Variants in PARP10 observed in about 807,000 individuals in gnomAD.
The protein encoded by PARP10 is protein mono-ADP-ribosyltransferase PARP10.
PARP10 carries 56 observed loss-of-function variants against 82.4 expected under a neutral mutation model. That is an observed-to-expected ratio of 0.68 (90% confidence interval 0.55 to 0.85). The LOEUF is 0.85. Among genes scored for constraint, PARP10 ranks in the 40% least tolerant of loss-of-function variants. PARP10 has a pLI of 0.00. For missense variants in PARP10, 1,227 were observed against 1,379.4 expected (o/e 0.89, Z 1.75); for synonymous variants, 576 against 601.1 (o/e 0.96, Z 0.61).
chr8:143,984,474 C>G, intron 5 of PARP10, 43 bp from the exon 6 acceptor site: 1 of 1,593,672 alleles, frequency 6.3e-7, no homozygotes, highest in Non-Finnish European at 8.5e-7. Context: ...GTTTAGAGCA[C>G]AGGAAAGGTA....
At chr8:143,992,001 G>C, upstream of PARP10, 2 of 1,613,858 alleles carry the variant, frequency 1.2e-6, no homozygotes. Flanking sequence ...CTCCTATGCT[G>C]TCTTCTTCAT....
rs914956037 is a variant in PARP10 at position 144,010,319 on chromosome 8, C to G, written c.-80+2211G>C. Among the ~76,000 whole-genome samples the G allele has an allele frequency of 2.9e-4, 44 of 152,244 alleles. 1 individual carries two copies. The highest frequency in any genetic ancestry group is 8.7e-4 in the African/African-American group (36 of 41,464). On this transcript the variant is annotated intron_variant, in intron 1 of 3. Coordinates refer to the PARP10 transcript ENST00000530478. ...ATGACTAGCACTGAACCCCCAATTC[C>G]TAACATAATGCCTGCCACAGTTGGT...
chr8:144,010,894 A>C (rs911021014), intron 1 of PARP10, among the ~76,000 whole-genome samples: 1 of 152,000 alleles, frequency 6.6e-6, no homozygotes, highest in Non-Finnish European at 1.5e-5. Context: ...CAAAAAAATA[A>C]ATAAATAAAT....
upstream of PARP10, chr8:143,990,088 C>G (rs1294305300): frequency 6.6e-6 from 1 of 151,152 alleles, no homozygotes; most frequent in Admixed American, 6.6e-5. This position sits in a 1 kb window ranked among gnomAD's most constrained non-coding sequence, Gnocchi z 5.6. Context: ...GAGCCGCAGG[C>G]GCAGGCCCAG....
At chr8:143,989,846 G>A (rs1834059520), upstream of PARP10, 1 of 152,238 alleles carries the variant, frequency 6.6e-6, no homozygotes. The surrounding 1 kb of genome is among the most constrained non-coding windows in gnomAD (Gnocchi z 4.3). Flanking sequence ...CGAACGGCCA[G>A]TCAAATTGGC....
At chr8:143,993,098 C>T (rs993868680), upstream of PARP10, 46 of 487,950 alleles carry the variant, frequency 9.4e-5, no homozygotes, top group South Asian at 7.8e-4. Flanking sequence ...CACCTCCTGT[C>T]TACTCATTGT....
chr8:143,983,638 CCAGCCACCTGGGT>C lies in PARP10; in HGVS notation c.1938_1950del (p.Pro647ArgfsTer33). On this transcript the variant is annotated frameshift_variant, in exon 8 of 11. Transcript: ENST00000313028. LOFTEE classifies it high-confidence loss of function. ...GCCAGCTGCAGAGCGGCCTCCTCCT[CCAGCCACCTGGGT>C]GCCACAGTGCTGGGGGCCACAGGCT... 6.2e-7 allele frequency: 1 copy of C among 1,606,516 alleles called. No homozygotes were observed. Among genetic ancestry groups the C allele is most frequent in the South Asian group, 1.1e-5 (1 of 89,740 alleles).
chr8:143,989,171 G>A (rs1834048706), upstream of PARP10, among the ~76,000 whole-genome samples: 1 of 152,256 alleles, frequency 6.6e-6, no homozygotes, highest in African/African-American at 2.4e-5. This position sits in a 1 kb window ranked among gnomAD's most constrained non-coding sequence, Gnocchi z 4.3. Context: ...CCAAGGGCGG[G>A]AGGGCAGGTG....
chr8:143,985,145 G>A lies in PARP10; in HGVS notation c.857C>T (p.Ala286Val). ...TGTCACAGTCCCTGCACCCTGCAGAGCCGTCACCAACCCTCCGGTCCTCAG... is the reference window on the plus strand; with the variant it reads ...TGTCACAGTCCCTGCACCCTGCAGAACCGTCACCAACCCTCCGGTCCTCAG... ...ALLRTGGLVT[A>V]LQGAGTVTMG... Residue 286 changes from alanine (A) to valine (V), a missense_variant, in exon 5 of 11, where the codon GCT (alanine) becomes GTT (valine). Physicochemically the swap from Ala to Val is moderately conservative, Grantham distance 64 (BLOSUM62 0). Coordinates refer to ENST00000313028, the MANE Select transcript of PARP10 (RefSeq NM_032789.5). The A allele has an allele frequency of 6.2e-7, 1 of 1,614,142 alleles. No homozygotes were observed. Among genetic ancestry groups the A allele is most frequent in the Non-Finnish European group, 8.5e-7 (1 of 1,180,026 alleles).
chr8:143,985,089 C>T lies in PARP10; in HGVS notation c.913G>A (p.Gly305Arg), dbSNP rs1554748922. 1.2e-6 allele frequency: 2 copies of T among 1,614,030 alleles called. No homozygotes were observed. Among genetic ancestry groups the T allele is most frequent in the Admixed American group, 3.3e-5 (2 of 60,026 alleles). Residue 305 changes from glycine (G) to arginine (R), a missense_variant, in exon 5 of 11, where the codon GGG (glycine) becomes AGG (arginine). By Grantham distance (125) the Gly-to-Arg change is moderately radical. Transcript: ENST00000313028. The stretch of plus-strand genomic sequence containing the variant: ...ATGGGACCTGTCCTCAGAGAGGCCC[C>T]TGACTGCCCTGGTTCCTCGCCAGAG... ...MGSGEEPGQS[G>R]ASLRTGPMVQ...
At chr8:143,993,854 C>T (rs1834139120), upstream of PARP10, among the ~76,000 whole-genome samples, 1 of 152,234 alleles carries the variant, frequency 6.6e-6, no homozygotes, top group Non-Finnish European at 1.5e-5. Flanking sequence ...CTGCCTCTCT[C>T]CAGCCTCCCC....
chr8:143,985,579 A>G lies in PARP10; in HGVS notation c.506T>C (p.Val169Ala). The G allele has an allele frequency of 6.2e-7, 1 of 1,613,898 alleles. No individual in the cohort carries two copies. Among genetic ancestry groups the G allele is most frequent in the Non-Finnish European group, 8.5e-7 (1 of 1,179,956 alleles). The change falls in exon 4 of 11, where the codon GTT becomes GCT. Residue 169 changes from valine (V) to alanine (A), a missense_variant. Val to Ala is a moderately conservative substitution (Grantham distance 64). Transcript: ENST00000313028. ...LEGTLVSLAR[V>A]PQARAVRVVG... Reference sequence around the variant, plus strand: ...CACACGCACCGCTCGGGCCTGGGGAACCCGGGCCAGGGACACCAAGGTCCC... The same window carrying G: ...CACACGCACCGCTCGGGCCTGGGGAGCCCGGGCCAGGGACACCAAGGTCCC...
upstream of PARP10, chr8:143,991,467 G>T: frequency 2.0e-6 from 3 of 1,500,932 alleles, no homozygotes; most frequent in Non-Finnish European, 2.7e-6. Flanking sequence ...CTACCCACAG[G>T]GCCCCTACCC....
chr8:144,001,108 G>A (rs1229322073), intron 1 of PARP10, among the ~76,000 whole-genome samples: 1 of 151,728 alleles, frequency 6.6e-6, no homozygotes, highest in Non-Finnish European at 1.5e-5. Context: ...TAGAGACGAG[G>A]TTTCACCGTG....
Position 143,985,764 on chromosome 8 carries a change from T to C in PARP10, c.393A>G (p.Pro131=). ...TGGGCAACTGGACCAGAGCCCGGTCTGGCCGGGGGCTGGCCAAGGCACAGC... is the reference window on the plus strand; with the variant it reads ...TGGGCAACTGGACCAGAGCCCGGTCCGGCCGGGGGCTGGCCAAGGCACAGC... ...QPCCALASPR[P]DRALVQLPKP... is the part of the protein sequence containing the mutation. The change falls in exon 3 of 11, where the codon CCA becomes CCG. Residue 131 remains proline, a synonymous_variant. Transcript: ENST00000313028. 1 of 1,610,510 alleles carries C rather than the reference T, an allele frequency of 6.2e-7. No individual in the cohort carries two copies. Among genetic ancestry groups the C allele is most frequent in the African/African-American group, 1.3e-5 (1 of 74,994 alleles).
upstream of PARP10, chr8:143,992,057 C>T (rs1834107812): frequency 1.2e-6 from 2 of 1,613,842 alleles, no homozygotes; most frequent in African/African-American, 1.3e-5. Flanking sequence ...GGCGAAAGCA[C>T]CCCTGGAACC....
upstream of PARP10, chr8:143,992,537 C>T: frequency 6.2e-7 from 1 of 1,614,162 alleles, no homozygotes; most frequent in Non-Finnish European, 8.5e-7. Context: ...CTTCGCCATT[C>T]TCTGCATCTT....
rs146808220 is a variant in PARP10, at chr8:143,997,656, G to A, written c.-79-11218C>T. ...TGAAGTTCTCTTTGGAGAACTTCCA[G>A]CCAAGACGGTGGACTGAACTGAGTC... On this transcript the variant is annotated intron_variant, in intron 1 of 3. Transcript: ENST00000530478. 2.0e-3 allele frequency among the ~76,000 whole-genome samples: 310 copies of A among 152,190 alleles called. 1 individual carries two copies. The highest frequency in any genetic ancestry group is 3.7e-3 in the Non-Finnish European group (251 of 68,010).
chr8:143,984,789 T>A lies in PARP10; in HGVS notation c.1213A>T (p.Met405Leu), dbSNP rs139075709. The change falls in exon 5 of 11, where the codon ATG becomes TTG. Residue 405 changes from methionine (M) to leucine (L), a missense_variant. Physicochemically the swap from Met to Leu is conservative, Grantham distance 15. Coordinates refer to ENST00000313028, the MANE Select transcript of PARP10 (RefSeq NM_032789.5). The part of the protein sequence containing the change: ...LGQEGLVEIA[M>L]DSPEQEGLVG... ...AGCCCCTCTTGCTCTGGTGAGTCCA[T>A]GGCAATTTCCACCAGGCCCTCCTGC... The A allele has an allele frequency of 1.6e-5, 26 of 1,612,072 alleles. No individual in the cohort carries two copies. The South Asian group carries it at 2.6e-4, about 16-fold the overall frequency.
Sources: gnomAD v4.1 joint callset for allele counts (sites outside exome capture counted in the v4.1 genomes callset) on GRCh38, gnomAD v4.1.1 for gene constraint, Gnocchi (gnomAD v3.1) non-coding constraint, MANE v1.5 for transcripts, NCBI Gene and HGNC (gene_info 2026-07-23, HGNC 2026-07-21) for gene names.